Variants in ACTN1 observed in about 807,000 individuals in gnomAD.
The protein encoded by ACTN1 is alpha-actinin-1.
In ACTN1, 30 loss-of-function variants were observed where a neutral mutation model predicts 119.6. The observed-to-expected ratio is 0.25, with a 90% CI of 0.19 to 0.34. The LOEUF (loss-of-function observed/expected upper bound fraction) is 0.34. Ranked by LOEUF, ACTN1 falls within the 10% of genes least tolerant of loss-of-function variation. The pLI is 1.00. For missense variants in ACTN1, 764 were observed against 1,223.4 expected (o/e 0.62, Z 5.60); for synonymous variants, 429 against 472.6 (o/e 0.91, Z 1.20).
intron 1 of ACTN1, among the ~76,000 whole-genome samples, chr14:68,950,565 CTTT>C (rs558318048): frequency 7.0e-6 from 1 of 141,874 alleles, no homozygotes; most frequent in African/African-American, 2.6e-5. Context: ...GCATGTCAAA[CTTT>C]TTTTTTTTTT....
chr14:68,973,313 G>A (rs1425160666), intron 1 of ACTN1, among the ~76,000 whole-genome samples: 3 of 152,202 alleles, frequency 2.0e-5, no homozygotes, highest in Admixed American at 6.5e-5. Flanking sequence ...CCCACATGTC[G>A]TGGGAGGGAC....
rs1594758704 is a variant in ACTN1, at chr14:68,884,666, T to G, written c.1494+109A>C. 3 of 973,820 alleles carry G rather than the reference T, an allele frequency of 3.1e-6. No individual in the cohort carries two copies. In the Admixed American group the frequency reaches 6.3e-5, roughly 20 times the overall value. 60.3% of individuals were successfully genotyped at this position (973,820 alleles called of 1,614,324 possible). Reference sequence around the variant, plus strand: ...ATTTAGGCCAGGGTTGGGGGAGGTCTGGGGAAGCCATAGAGTCTTTTAGCC... The same window carrying G: ...ATTTAGGCCAGGGTTGGGGGAGGTCGGGGGAAGCCATAGAGTCTTTTAGCC... On this transcript the variant is annotated intron_variant, in intron 13 of 21. Coordinates refer to ENST00000394419, the MANE Select transcript of ACTN1 (RefSeq NM_001130004.2).
chr14:68,880,996 A>G lies in ACTN1; in HGVS notation c.1954-7T>C, dbSNP rs547314727. 4 of 1,613,618 alleles carry G rather than the reference A, an allele frequency of 2.5e-6. No homozygotes were observed. The highest frequency in any genetic ancestry group is 3.4e-6 in the Non-Finnish European group (4 of 1,179,754). On this transcript the variant is annotated splice_region_variant and splice_polypyrimidine_tract_variant and intron_variant, in intron 16 of 21. Coordinates refer to ENST00000394419, the MANE Select transcript of ACTN1 (RefSeq NM_001130004.2). This position sits in a 1 kb window ranked among gnomAD's most constrained non-coding sequence, Gnocchi z 4.6. ...TGGAGATCCTCCCGATCTCCTGCTC[A>G]CCGGGAAGGAAGCACCTTGTCAGAC...
intron 1 of ACTN1, among the ~76,000 whole-genome samples, chr14:68,962,818 TG>T (rs2036582649): frequency 6.6e-6 from 1 of 151,590 alleles, no homozygotes; most frequent in African/African-American, 2.4e-5. Flanking sequence ...ACCCGCTGTG[TG>T]GGTTTCTTTG....
chr14:68,911,491 A>G (rs1373278528), intron 4 of ACTN1, among the ~76,000 whole-genome samples: 1 of 152,246 alleles, frequency 6.6e-6, no homozygotes, highest in Admixed American at 6.5e-5. Context: ...AAGCAATTGA[A>G]TTGAATCCAC....
At chr14:68,971,813 G>A (rs1566683169) in intron 1 of ACTN1, among the ~76,000 whole-genome samples, 1 of 152,208 alleles carries the variant, frequency 6.6e-6, no homozygotes, top group Non-Finnish European at 1.5e-5. Flanking sequence ...CAAGGACCAA[G>A]GAGGCAGTTT....
At chr14:68,936,568 C>A (rs574040200) in intron 1 of ACTN1, 3 of 471,950 alleles carry the variant, frequency 6.4e-6, no homozygotes, top group Admixed American at 3.3e-5. Context: ...GGAACTGTTA[C>A]GGGAATTGAA....
chr14:68,927,155 G>C (rs12896606), intron 1 of ACTN1, among the ~76,000 whole-genome samples: 20,929 of 145,000 alleles, frequency 0.14, 2,473 homozygotes, highest in East Asian at 0.64. Context: ...GATCAGGGTA[G>C]ATAGGGGACA....
intron 8 of ACTN1, among the ~76,000 whole-genome samples, chr14:68,896,820 A>G (rs1357220665): frequency 6.6e-6 from 1 of 152,208 alleles, no homozygotes; most frequent in Admixed American, 6.5e-5. Flanking sequence ...TGCACAGATA[A>G]TTGATGGCTT....
At chr14:68,955,478 A>C (rs2036325063) in intron 1 of ACTN1, among the ~76,000 whole-genome samples, 1 of 152,256 alleles carries the variant, frequency 6.6e-6, no homozygotes, top group Non-Finnish European at 1.5e-5. Flanking sequence ...AATTTGGCTC[A>C]ACTGAGACTA....
intron 6 of ACTN1, among the ~76,000 whole-genome samples, chr14:68,907,393 G>A (rs766639659): frequency 2.8e-4 from 43 of 151,246 alleles, no homozygotes; most frequent in Admixed American, 2.6e-3. Context: ...GTGAAATCCC[G>A]TCTCCACTAA....
chr14:68,928,164 G>C (rs1205832383), intron 1 of ACTN1, among the ~76,000 whole-genome samples: 2 of 152,172 alleles, frequency 1.3e-5, no homozygotes, highest in Admixed American at 1.3e-4. Flanking sequence ...CCCAGTCGTG[G>C]AGGGGGTTGG....
At chr14:68,887,307 A>T (rs1407182143) in intron 11 of ACTN1, 2 of 346,044 alleles carry the variant, frequency 5.8e-6, no homozygotes, top group African/African-American at 4.3e-5. Context: ...ACAACCAAAG[A>T]TGTTACAGAG....
At chr14:68,875,239 C>T in intron 21 of ACTN1, 1 of 1,294,574 alleles carries the variant, frequency 7.7e-7, no homozygotes. Flanking sequence ...CACTTCAGTA[C>T]CTACTTTGTA....
At chr14:68,949,097 T>C (rs1208046147) in intron 1 of ACTN1, among the ~76,000 whole-genome samples, 1 of 152,220 alleles carries the variant, frequency 6.6e-6, no homozygotes, top group East Asian at 1.9e-4. Context: ...AAGTTTTGCA[T>C]TAGTCTCTGT....
intron 1 of ACTN1, among the ~76,000 whole-genome samples, chr14:68,971,364 A>G (rs975957050): frequency 1.3e-5 from 2 of 152,256 alleles, no homozygotes; most frequent in African/African-American, 4.8e-5. Flanking sequence ...GATGGTTGAT[A>G]TAAAACAGGT....
chr14:68,920,860 A>G, intron 3 of ACTN1, 146 bp downstream of exon 3: 1 of 1,152,388 alleles, frequency 8.7e-7, no homozygotes, highest in African/African-American at 1.6e-5. Flanking sequence ...CAAAGCCTCC[A>G]CAGGCGACCA....
intron 1 of ACTN1, among the ~76,000 whole-genome samples, chr14:68,961,375 T>C (rs2140609627): frequency 6.6e-6 from 1 of 152,310 alleles, no homozygotes; most frequent in East Asian, 1.9e-4. Context: ...TCTGAAAATA[T>C]AAATGGTTAT....
rs777852191 is a variant in ACTN1 at position 68,882,425 on chromosome 14, A to G, written c.1953+33T>C. The G allele has an allele frequency of 6.2e-7, 1 of 1,605,508 alleles. No individual in the cohort carries two copies. The highest frequency in any genetic ancestry group is 8.5e-7 in the Non-Finnish European group (1 of 1,174,976). On this transcript the variant is annotated intron_variant, in intron 16 of 21. Coordinates refer to ENST00000394419, the MANE Select transcript of ACTN1 (RefSeq NM_001130004.2). This position sits in a 1 kb window ranked among gnomAD's most constrained non-coding sequence, Gnocchi z 4.5. ...GATAGTGTCGGGGGGGAGGGGTGGG[A>G]GCCCCAGCACTGCTTCCCAGCATGG...
Sources: allele counts gnomAD v4.1 joint callset (sites outside exome capture counted in the v4.1 genomes callset), GRCh38; gene constraint gnomAD v4.1.1; non-coding constraint Gnocchi (gnomAD v3.1); transcripts MANE v1.5; gene names NCBI Gene and HGNC (gene_info 2026-07-23, HGNC 2026-07-21).